Variants in RBFOX1 observed in about 807,000 individuals in gnomAD.
The protein encoded by RBFOX1 is RNA binding protein fox-1 homolog 1.
A neutral mutation model predicts 57.7 loss-of-function variants in RBFOX1; 8 were observed. The ratio of observed to expected loss-of-function variants is 0.14; its 90% confidence interval spans 0.08 to 0.25. RBFOX1 has a LOEUF of 0.25. Among genes scored for constraint, RBFOX1 ranks in the 10% least tolerant of loss-of-function variants. RBFOX1 has a pLI of 1.00. For missense variants in RBFOX1, 611 were observed against 548.5 expected (o/e 1.11, Z -1.14); for synonymous variants, 326 against 222.4 (o/e 1.47, Z -4.15).
chr16:7,093,279 C>G (rs2061163226), intron 4 of RBFOX1, among the ~76,000 whole-genome samples: 1 of 152,140 alleles, frequency 6.6e-6, no homozygotes, highest in South Asian at 2.1e-4. Context: ...TATATTATCC[C>G]TTATCTTTCT....
intron 4 of RBFOX1, among the ~76,000 whole-genome samples, chr16:7,267,325 G>GGCA (rs2095183487): frequency 6.6e-6 from 1 of 151,376 alleles, no homozygotes; most frequent in South Asian, 2.1e-4. Flanking sequence ...ACTTGAGGTC[G>GGCA]GCAGTTGGAG....
At chr16:7,649,676 A>G (rs2064538024) in intron 11 of RBFOX1, among the ~76,000 whole-genome samples, 1 of 152,184 alleles carries the variant, frequency 6.6e-6, no homozygotes, top group Non-Finnish European at 1.5e-5. Context: ...TTGGTTAACC[A>G]CTGACAGGGT....
intron 1 of RBFOX1, among the ~76,000 whole-genome samples, chr16:6,255,310 C>T (rs1455074664): frequency 6.6e-6 from 1 of 152,118 alleles, no homozygotes; most frequent in Non-Finnish European, 1.5e-5. Context: ...TGCAGCAGTA[C>T]CCAGGTTCAC....
chr16:6,609,576 T>A (rs2154023113), intron 2 of RBFOX1, among the ~76,000 whole-genome samples: 1 of 152,210 alleles, frequency 6.6e-6, no homozygotes, highest in South Asian at 2.1e-4. Context: ...TTTTCTAAAA[T>A]CAAGGCATTT....
At chr16:6,757,809 A>G (rs1316359260) in intron 3 of RBFOX1, among the ~76,000 whole-genome samples, 5 of 152,180 alleles carry the variant, frequency 3.3e-5, no homozygotes, top group African/African-American at 7.2e-5. Flanking sequence ...AATGTCTCCA[A>G]CCATAGAAAT....
At chr16:7,263,188 C>G (rs1425449855) in intron 4 of RBFOX1, among the ~76,000 whole-genome samples, 1 of 152,194 alleles carries the variant, frequency 6.6e-6, no homozygotes, top group African/African-American at 2.4e-5. Flanking sequence ...TTCTAAGCCA[C>G]TTGATGGCAG....
At chr16:7,362,916 C>G (rs932876974) in intron 4 of RBFOX1, among the ~76,000 whole-genome samples, 1 of 152,162 alleles carries the variant, frequency 6.6e-6, no homozygotes, top group Non-Finnish European at 1.5e-5. Context: ...TTTCCTAACT[C>G]AGCTCTGCAC....
At chr16:6,599,917 A>C (rs1002685660) in intron 2 of RBFOX1, among the ~76,000 whole-genome samples, 1 of 152,194 alleles carries the variant, frequency 6.6e-6, no homozygotes, top group Non-Finnish European at 1.5e-5. Flanking sequence ...CAGTGGTACA[A>C]AGTGTTAACC....
At chr16:5,726,300 C>G (rs1297650331) in intron 3 of RBFOX1, among the ~76,000 whole-genome samples, 1 of 151,772 alleles carries the variant, frequency 6.6e-6, no homozygotes, top group Non-Finnish European at 1.5e-5. Flanking sequence ...ATAATTCAGC[C>G]AGATTTGTCA....
intron 4 of RBFOX1, among the ~76,000 whole-genome samples, chr16:7,347,868 G>A (rs1479357328): frequency 6.6e-6 from 1 of 152,100 alleles, no homozygotes; most frequent in Non-Finnish European, 1.5e-5. Flanking sequence ...TAGCCATTCC[G>A]AGACAGGCGT....
intron 3 of RBFOX1, among the ~76,000 whole-genome samples, chr16:5,802,237 G>C (rs764291642): frequency 4.1e-4 from 62 of 152,234 alleles, no homozygotes; most frequent in Non-Finnish European, 7.4e-5. Context: ...TAATTCCTCA[G>C]ATTGAAGCTG....
chr16:7,387,445 CCT>C (rs1382792137), intron 4 of RBFOX1, among the ~76,000 whole-genome samples: 5 of 152,112 alleles, frequency 3.3e-5, no homozygotes, highest in Non-Finnish European at 1.5e-5. Context: ...TTCATATACC[CCT>C]GTCTTCCAAA....
chr16:6,464,741 A>G (rs2095001907), intron 2 of RBFOX1, among the ~76,000 whole-genome samples: 1 of 152,236 alleles, frequency 6.6e-6, no homozygotes, highest in Non-Finnish European at 1.5e-5. Flanking sequence ...ATTACGGATC[A>G]TATGCAAAAC....
chr16:6,982,898 C>A (rs1470593527), intron 3 of RBFOX1, among the ~76,000 whole-genome samples: 1 of 142,966 alleles, frequency 7.0e-6, no homozygotes, highest in Non-Finnish European at 1.5e-5. Flanking sequence ...GAGGCTGAGG[C>A]AGGGAGAACA....
rs369144885 is a variant in RBFOX1, at chr16:7,485,800, C to T, written c.28-32347C>T. Among the ~76,000 whole-genome samples, 22 of 152,358 alleles carry T rather than the reference C, an allele frequency of 1.4e-4. No homozygotes were observed. In the East Asian group the frequency reaches 2.5e-3, roughly 17 times the overall value. The stretch of plus-strand genomic sequence containing the variant: ...CATCCCTTGACTATCTTCTGTGGCT[C>T]TCCGAGTCCACTTGGCATTTGGTTA... On this transcript the variant is annotated intron_variant, in intron 4 of 15. Coordinates refer to ENST00000550418, the MANE Select transcript of RBFOX1 (RefSeq NM_018723.4).
At chr16:7,361,185 C>A (rs2097312883) in intron 4 of RBFOX1, among the ~76,000 whole-genome samples, 1 of 152,170 alleles carries the variant, frequency 6.6e-6, no homozygotes, top group Admixed American at 6.5e-5. Flanking sequence ...TGGGTATGAA[C>A]CTGCTCAGTG....
chr16:5,820,211 C>G (rs1430713991), intron 3 of RBFOX1, among the ~76,000 whole-genome samples: 1 of 152,214 alleles, frequency 6.6e-6, no homozygotes, highest in Non-Finnish European at 1.5e-5. Flanking sequence ...CTGGTCCATA[C>G]TCACCCCATA....
intron 3 of RBFOX1, among the ~76,000 whole-genome samples, chr16:6,969,603 G>A (rs1345188091): frequency 2.6e-5 from 4 of 152,028 alleles, no homozygotes; most frequent in Admixed American, 2.6e-4. Flanking sequence ...AATTAGTTGG[G>A]CATTATGGTG....
intron 2 of RBFOX1, among the ~76,000 whole-genome samples, chr16:6,368,709 C>G (rs2090016983): frequency 6.6e-6 from 1 of 152,280 alleles, no homozygotes; most frequent in Non-Finnish European, 1.5e-5. Context: ...AAATGGTTAT[C>G]AATTAGTCAT....
Sources: gnomAD v4.1 joint callset for allele counts (sites outside exome capture counted in the v4.1 genomes callset) on GRCh38, gnomAD v4.1.1 for gene constraint, MANE v1.5 for transcripts, NCBI Gene and HGNC (gene_info 2026-07-23, HGNC 2026-07-21) for gene names.